Variants in CT45A1 observed in about 807,000 individuals in gnomAD.
The protein encoded by CT45A1 is cancer/testis antigen family 45 member A1.
chrX:135,717,450 G>A (rs1266813685), intron 1 of CT45A1, among the ~76,000 whole-genome samples: 2 of 110,699 alleles, frequency 1.8e-5, no homozygotes, highest in African/African-American at 6.6e-5. Flanking sequence ...TCGGGAGGCT[G>A]AGGCAGGAGA....
upstream of CT45A1, among the ~76,000 whole-genome samples, chrX:135,711,829 C>T (rs1569518579): frequency 9.0e-6 from 1 of 111,261 alleles, no homozygotes; most frequent in East Asian, 2.8e-4. Flanking sequence ...ACCTGTAATC[C>T]CAGCACTTTT....
At chrX:135,713,503 T>A (rs1472662630), upstream of CT45A1, 5 of 719,446 alleles carry the variant, frequency 6.9e-6, no homozygotes, top group African/African-American at 2.5e-5. Flanking sequence ...CTTCCTTCCA[T>A]CCCCTTTGGA....
upstream of CT45A1, among the ~76,000 whole-genome samples, chrX:135,711,328 A>G (rs1984111629): frequency 8.9e-6 from 1 of 112,448 alleles, no homozygotes. Flanking sequence ...TGTTCTGTAA[A>G]GGTTCTGAAA....
intron 1 of CT45A1, among the ~76,000 whole-genome samples, chrX:135,714,258 C>T (rs1470711455): frequency 2.7e-5 from 3 of 109,299 alleles, no homozygotes; most frequent in African/African-American, 1.0e-4. Context: ...CGCTCACTCT[C>T]AGCTAGGATG....
upstream of CT45A1, chrX:135,713,367 C>G (rs2087951033): frequency 8.9e-6 from 2 of 225,582 alleles, no homozygotes; most frequent in Non-Finnish European, 1.3e-5. Flanking sequence ...TAGAGGGCGC[C>G]AGTCAGCGAA....
chrX:135,711,477 C>A (rs1331563156), upstream of CT45A1, among the ~76,000 whole-genome samples: 2 of 110,828 alleles, frequency 1.8e-5, no homozygotes, highest in African/African-American at 6.6e-5. Flanking sequence ...CTTTGTCGCC[C>A]AGGCTGGAGT....
upstream of CT45A1, among the ~76,000 whole-genome samples, chrX:135,713,227 T>C (rs1195997500): frequency 1.9e-5 from 2 of 103,708 alleles, no homozygotes; most frequent in African/African-American, 7.1e-5. Context: ...TTTTTTTTTT[T>C]TTTGGTTGGT....
chrX:135,715,399 A>ATAATACTTATATATAATACTTATATATT (rs2087975786), intron 1 of CT45A1, among the ~76,000 whole-genome samples: 3 of 79,654 alleles, frequency 3.8e-5, no homozygotes, highest in African/African-American at 1.5e-4. Flanking sequence ...ACTTATATAT[A>ATAATACTTATATATAATACTTATATATT]TAATACTTAT....
intron 1 of CT45A1, among the ~76,000 whole-genome samples, chrX:135,715,200 T>TA (rs1556570853): frequency 0.015 from 1,337 of 89,584 alleles, 40 homozygotes; most frequent in Non-Finnish European, 0.024. Flanking sequence ...GCCATTACTA[T>TA]TATATATATA....
At chrX:135,710,238 G>A (rs1330962928), upstream of CT45A1, 5 of 111,837 alleles carry the variant, frequency 4.5e-5, no homozygotes. Flanking sequence ...TGTTATTTAA[G>A]AGTGACTCCA....
chrX:135,712,029 C>A (rs781802930), upstream of CT45A1, among the ~76,000 whole-genome samples: 33 of 108,506 alleles, frequency 3.0e-4, 2 homozygotes, highest in Admixed American at 3.1e-3. Flanking sequence ...TGCAGTGAGC[C>A]GAGATTATGG....
At chrX:135,712,179 C>CTTTTTTTTTTTTTTTTTTTT (rs782572662), upstream of CT45A1, among the ~76,000 whole-genome samples, 50 of 48,404 alleles carry the variant, frequency 1.0e-3, 2 homozygotes, top group Admixed American at 1.5e-3. Flanking sequence ...TTTTTTCTTT[C>CTTTTTTTTTTTTTTTTTTTT]TTTTTTTTTT....
chrX:135,716,676 T>G (rs1556571654), intron 1 of CT45A1, among the ~76,000 whole-genome samples: 1 of 111,686 alleles, frequency 9.0e-6, no homozygotes, highest in African/African-American at 3.3e-5. Flanking sequence ...TTATGTCTAA[T>G]TAAACAATTC....
upstream of CT45A1, chrX:135,710,464 A>G (rs2087928216): frequency 8.9e-6 from 1 of 112,387 alleles, no homozygotes; most frequent in African/African-American, 3.2e-5. Flanking sequence ...TTCTCTTTTT[A>G]CAATAGAAGT....
intron 1 of CT45A1, among the ~76,000 whole-genome samples, chrX:135,716,567 A>G (rs2087989826): frequency 9.0e-6 from 1 of 111,577 alleles, no homozygotes; most frequent in Non-Finnish European, 1.9e-5. Context: ...TATTTTATAT[A>G]TAACCTATAC....
At chrX:135,716,580 T>C (rs2087990011) in intron 1 of CT45A1, among the ~76,000 whole-genome samples, 1 of 111,739 alleles carries the variant, frequency 8.9e-6, no homozygotes, top group Non-Finnish European at 1.9e-5. Flanking sequence ...ACCTATACTA[T>C]ATACTACATA....
chrX:135,715,266 T>TTATATATATATAA (rs1569518746), intron 1 of CT45A1, among the ~76,000 whole-genome samples: 1 of 78,866 alleles, frequency 1.3e-5, no homozygotes, highest in Non-Finnish European at 2.2e-5. Context: ...TATATAATAC[T>TTATATATATATAA]TATATATATA....
chrX:135,711,766 G>A (rs1163026460), upstream of CT45A1, among the ~76,000 whole-genome samples: 4 of 111,937 alleles, frequency 3.6e-5, no homozygotes, highest in Non-Finnish European at 7.5e-5. Context: ...AAATTTTGCT[G>A]CACTTAAAAT....
upstream of CT45A1, among the ~76,000 whole-genome samples, chrX:135,711,756 A>G (rs2087934413): frequency 8.9e-6 from 1 of 112,366 alleles, no homozygotes; most frequent in Admixed American, 9.5e-5. Context: ...CAATTCAAGT[A>G]AATTTTGCTG....
Sources: allele counts gnomAD v4.1 joint callset (sites outside exome capture counted in the v4.1 genomes callset), GRCh38; gene constraint gnomAD v4.1.1; transcripts MANE v1.5; gene names NCBI Gene and HGNC (gene_info 2026-07-23, HGNC 2026-07-21).